The following BCAS3 variants were observed in gnomAD, a reference collection of about 807,000 sequenced individuals.
BCAS3 encodes the protein BCAS3 microtubule associated cell migration factor.
BCAS3 carries 53 observed loss-of-function variants against 116.1 expected under a neutral mutation model. The observed-to-expected ratio is 0.46, with a 90% CI of 0.37 to 0.57. BCAS3 has a LOEUF of 0.57. BCAS3 is among the 20% of genes least tolerant of loss of function. BCAS3 has a pLI of 0.00. For missense variants in BCAS3, 917 were observed against 1,165.4 expected, an observed-to-expected ratio of 0.79 and a Z score of 3.10; for synonymous variants, 391 against 408.2, an observed-to-expected ratio of 0.96 and a Z score of 0.51.
At chr17:60,766,573 C>T (rs2044117389) in intron 6 of BCAS3, among the ~76,000 whole-genome samples, 1 of 152,150 alleles carries the variant, frequency 6.6e-6, no homozygotes, top group Non-Finnish European at 1.5e-5. Flanking sequence ...GAAGCTTTGT[C>T]TCAGAGGGGC....
At chr17:60,826,058 CAT>C (rs1226507070) in intron 7 of BCAS3, among the ~76,000 whole-genome samples, 1 of 151,772 alleles carries the variant, frequency 6.6e-6, no homozygotes, top group Non-Finnish European at 1.5e-5. Flanking sequence ...AACAGGGTTT[CAT>C]TTTGTTGGCC....
At position 60,961,022 on chromosome 17, in the gene BCAS3, C is replaced by G. The variant is rs2061387807; in HGVS notation, c.1221+13670C>G. ...TTCAGCAGAATGTTGTCAAGCTATA[C>G]TCCTGGCCTTCAGAGCACATTTTCC... is the stretch of plus-strand genomic sequence containing the variant. On this transcript the variant is annotated intron_variant, in intron 14 of 23. Coordinates refer to ENST00000407086, the MANE Select transcript of BCAS3 (RefSeq NM_017679.5). This position sits in a 1 kb window ranked among gnomAD's most constrained non-coding sequence, Gnocchi z 4.8. 1.3e-5 allele frequency among the ~76,000 whole-genome samples: 2 copies of G among 152,044 alleles called. No individual in the cohort carries two copies. The highest frequency in any genetic ancestry group is 2.4e-5 in the African/African-American group (1 of 41,406).
rs2060153643 is a variant in BCAS3 at position 61,391,932 on chromosome 17, C to CA, written c.2594-44dup. 1 of 1,598,722 alleles carries CA rather than the reference C, an allele frequency of 6.3e-7. No homozygotes were observed. The highest frequency in any genetic ancestry group is 8.5e-7 in the Non-Finnish European group (1 of 1,172,776). ...TGGCCCAGATGGTGCCCCCACTCCCCAGACCCAACTCTAACCAGGCCTGGC... is the reference window on the plus strand; with the variant it reads ...TGGCCCAGATGGTGCCCCCACTCCCCAAGACCCAACTCTAACCAGGCCTGGC... On this transcript the variant is annotated intron_variant, in intron 23 of 23. Transcript: ENST00000407086. The surrounding 1 kb of genome is among the most constrained non-coding windows in gnomAD (Gnocchi z 7.7).
chr17:60,769,241 C>T (rs1205266771), intron 6 of BCAS3, among the ~76,000 whole-genome samples: 1 of 152,118 alleles, frequency 6.6e-6, no homozygotes, highest in Non-Finnish European at 1.5e-5. Flanking sequence ...TAGGCAGGGG[C>T]AGGATGGTCC....
At chr17:61,043,466 A>G (rs2143060642) in intron 19 of BCAS3, among the ~76,000 whole-genome samples, 1 of 152,162 alleles carries the variant, frequency 6.6e-6, no homozygotes, top group East Asian at 1.9e-4. Flanking sequence ...ATTTTGTTTA[A>G]CATCAATTCT....
chr17:60,947,311 C>T lies in BCAS3; in HGVS notation c.1180C>T (p.His394Tyr). 6.2e-7 allele frequency: 1 copy of T among 1,613,632 alleles called. No homozygotes were observed. The highest frequency in any genetic ancestry group is 8.5e-7 in the Non-Finnish European group (1 of 1,179,618). The change falls in exon 14 of 24, where the codon CAC (histidine) becomes TAC (tyrosine). Residue 394 changes from histidine (H) to tyrosine (Y), a missense_variant. Physicochemically the swap from His to Tyr is moderately conservative, Grantham distance 83. Transcript: ENST00000407086. ...HPWSSSQCAVHHLYTLHRGET... is the reference protein window; with the variant it reads ...HPWSSSQCAVYHLYTLHRGET... ...TTGGTCCTCATCACAATGTGCTGTC[C>T]ACCATCTGTATACTCTTCACAGGGG... is the stretch of plus-strand genomic sequence containing the variant.
intron 22 of BCAS3, among the ~76,000 whole-genome samples, chr17:61,291,559 G>A (rs1045851235): frequency 1.4e-4 from 21 of 152,186 alleles, no homozygotes; most frequent in Non-Finnish European, 8.8e-5. Flanking sequence ...AAAATGGCTT[G>A]TTTTGCTGTG....
At chr17:61,044,243 C>G (rs1405681282) in intron 19 of BCAS3, among the ~76,000 whole-genome samples, 1 of 151,550 alleles carries the variant, frequency 6.6e-6, no homozygotes, top group African/African-American at 2.4e-5. Flanking sequence ...TTCAGGAGAT[C>G]GAGACCATCC....
chr17:61,371,257 A>G (rs1383182759), intron 23 of BCAS3, among the ~76,000 whole-genome samples: 2 of 152,118 alleles, frequency 1.3e-5, no homozygotes, highest in Non-Finnish European at 2.9e-5. Context: ...GTAATGTAAA[A>G]ACTCCTATTA....
At chr17:60,731,169 G>A (rs1244664192) in intron 5 of BCAS3, among the ~76,000 whole-genome samples, 1 of 152,110 alleles carries the variant, frequency 6.6e-6, no homozygotes, top group African/African-American at 2.4e-5. Context: ...TAGTACATGT[G>A]AAGTAATTAG....
intron 6 of BCAS3, among the ~76,000 whole-genome samples, chr17:60,754,060 G>GTC (rs72162091): frequency 6.9e-4 from 105 of 151,624 alleles, no homozygotes; most frequent in African/African-American, 2.4e-3. Flanking sequence ...TTGAGACAGG[G>GTC]TCTCTCTCTC....
intron 14 of BCAS3, among the ~76,000 whole-genome samples, chr17:60,973,239 G>A (rs1323046846): frequency 6.6e-6 from 1 of 152,084 alleles, no homozygotes; most frequent in Non-Finnish European, 1.5e-5. Flanking sequence ...CAATAAGAAG[G>A]GGAGAAAGGG....
At chr17:60,817,855 A>ATT (rs199501753) in intron 7 of BCAS3, among the ~76,000 whole-genome samples, 2,428 of 143,394 alleles carry the variant, frequency 0.017, 64 homozygotes, top group East Asian at 0.088. Context: ...AAGCAAAATA[A>ATT]TTTTTTTTTT....
At chr17:60,751,206 T>G (rs1481429949) in intron 6 of BCAS3, among the ~76,000 whole-genome samples, 1 of 152,212 alleles carries the variant, frequency 6.6e-6, no homozygotes, top group Non-Finnish European at 1.5e-5. Context: ...GCATCCCTGC[T>G]TCTTCATGGC....
At chr17:61,085,115 T>C (rs906929569) in intron 22 of BCAS3, among the ~76,000 whole-genome samples, 1 of 152,236 alleles carries the variant, frequency 6.6e-6, no homozygotes, top group Admixed American at 6.5e-5. Context: ...AGGAGATCTT[T>C]GCCTTTATAG....
rs1366851911 is a variant in BCAS3, at chr17:60,994,126, ACT to A, written c.1486+3892_1486+3893del. 6.6e-6 allele frequency among the ~76,000 whole-genome samples: 1 copy of A among 152,058 alleles called. No individual in the cohort carries two copies. The highest frequency in any genetic ancestry group is 1.5e-5 in the Non-Finnish European group (1 of 67,980). Reference sequence around the variant, plus strand: ...CAAAAACATTAACAGTGCTTGTGACACTGTTACCAATAGAAAATGCAGAATTA... The same window carrying A: ...CAAAAACATTAACAGTGCTTGTGACAGTTACCAATAGAAAATGCAGAATTA... On this transcript the variant is annotated intron_variant, in intron 15 of 23. Coordinates refer to ENST00000407086, the MANE Select transcript of BCAS3 (RefSeq NM_017679.5). This position sits in a 1 kb window ranked among gnomAD's most constrained non-coding sequence, Gnocchi z 4.4.
rs373977430 is a variant in BCAS3, at chr17:60,723,670, A to G, written c.321+14345A>G. On this transcript the variant is annotated intron_variant, in intron 5 of 23. Transcript: ENST00000407086. ...TATTCAAATTTCATCCATTGTCCCA[A>G]TAGTCTACTTTATAGCTATTGTTAC... Among the ~76,000 whole-genome samples, 56 of 150,778 alleles carry G rather than the reference A, an allele frequency of 3.7e-4. 1 individual carries two copies. The highest frequency in any genetic ancestry group is 1.3e-3 in the African/African-American group (55 of 41,152).
At position 60,808,123 on chromosome 17, in the gene BCAS3, A is replaced by T. The variant is rs929486321; in HGVS notation, c.476+47A>T. 4 of 1,279,264 alleles carry T rather than the reference A, an allele frequency of 3.1e-6. No individual in the cohort carries two copies. In the African/African-American group the frequency reaches 5.9e-5, roughly 19 times the overall value. 79.2% of individuals were successfully genotyped at this position (1,279,264 alleles called of 1,614,324 possible). A position where few individuals can be genotyped will look rare whatever the true frequency, so the allele number is the denominator to read the frequency against. ...TTTGTATCACCTATTACAAATTTAT[A>T]TTATTCCAGAGGGAGAACTTTGATG... On this transcript the variant is annotated intron_variant, in intron 7 of 23. Transcript: ENST00000407086.
chr17:60,928,644 A>C (rs2059485702), intron 13 of BCAS3, among the ~76,000 whole-genome samples: 1 of 152,196 alleles, frequency 6.6e-6, no homozygotes. Context: ...GCTGTTCTGA[A>C]TATTGACTTA....
Sources: allele counts gnomAD v4.1 joint callset (sites outside exome capture counted in the v4.1 genomes callset), GRCh38; gene constraint gnomAD v4.1.1; non-coding constraint Gnocchi (gnomAD v3.1); transcripts MANE v1.5; gene names NCBI Gene and HGNC (gene_info 2026-07-23, HGNC 2026-07-21).